Variants in IGSF21 observed in about 807,000 individuals in gnomAD.
IGSF21 encodes immunoglobulin superfamily member 21.
In IGSF21, 28 loss-of-function variants were observed where a neutral mutation model predicts 46.8. The ratio of observed to expected loss-of-function variants is 0.60; its 90% CI spans 0.44 to 0.82. IGSF21 has a LOEUF of 0.82. Ranked by LOEUF, IGSF21 falls within the 40% of genes least tolerant of loss-of-function variation. The probability of loss-of-function intolerance (pLI) is 0.00; values close to 1 mark genes in which losing one functional copy is unlikely to be tolerated. For synonymous variants in IGSF21, 284 were observed against 273.6 expected (o/e 1.04, Z -0.38); for missense variants, 624 against 665.5 (o/e 0.94, Z 0.69).
intron 4 of IGSF21, among the ~76,000 whole-genome samples, chr1:18,355,612 TAAAA>T (rs5772806): frequency 6.8e-6 from 1 of 147,764 alleles, no homozygotes; most frequent in Non-Finnish European, 1.5e-5. Context: ...TAAGGCACAG[TAAAA>T]AAAAAAACTA....
chr1:18,175,707 G>C (rs2086788738), intron 1 of IGSF21, among the ~76,000 whole-genome samples: 1 of 152,204 alleles, frequency 6.6e-6, no homozygotes, highest in Non-Finnish European at 1.5e-5. Context: ...CTCACCAGGA[G>C]GTCACCTCCC....
In IGSF21 at chr1:18,290,332, C is replaced by T. The variant is rs145379414; in HGVS notation, c.184-1534C>T. ...GCCCTCAGAGGGGAAGAAAGTGACG[C>T]GTGTACATGTCGCTAAGTCCCGACA... On this transcript the variant is annotated intron_variant, in intron 2 of 9. Coordinates refer to ENST00000251296, the MANE Select transcript of IGSF21 (RefSeq NM_032880.5). This position sits in a 1 kb window ranked among gnomAD's most constrained non-coding sequence, Gnocchi z 4.2. Among the ~76,000 whole-genome samples the T allele has an allele frequency of 0.012, 1,901 of 152,180 alleles. 26 individuals are homozygous for T. Among genetic ancestry groups the T allele is most frequent in the East Asian group, 0.018 (91 of 5,174 alleles).
chr1:18,168,446 C>G (rs1008046873), intron 1 of IGSF21, among the ~76,000 whole-genome samples: 1 of 152,130 alleles, frequency 6.6e-6, no homozygotes, highest in African/African-American at 2.4e-5. Context: ...CTCAGCAGCA[C>G]AGAACCAACA....
rs577896233 is a variant in IGSF21, at chr1:18,361,194, T to C, written c.425-921T>C. 3.9e-5 allele frequency among the ~76,000 whole-genome samples: 6 copies of C among 152,280 alleles called. No homozygotes were observed. The East Asian group carries it at 1.2e-3, about 29-fold the overall frequency. On this transcript the variant is annotated intron_variant, in intron 4 of 9. Coordinates refer to ENST00000251296, the MANE Select transcript of IGSF21 (RefSeq NM_032880.5). ...AATTCCCACTCTGTTTTCAGTCTCT[T>C]CCAAATGCAAGTCAGATGATGTCAC...
intron 3 of IGSF21, among the ~76,000 whole-genome samples, chr1:18,301,161 G>A (rs2085357611): frequency 6.6e-6 from 1 of 152,206 alleles, no homozygotes; most frequent in Non-Finnish European, 1.5e-5. Flanking sequence ...GGAAGAACGA[G>A]AGGAATGGTC....
intron 1 of IGSF21, among the ~76,000 whole-genome samples, chr1:18,144,042 C>A (rs544626318): frequency 6.6e-6 from 1 of 152,244 alleles, no homozygotes; most frequent in East Asian, 1.9e-4. Flanking sequence ...AGAGTGGGAG[C>A]CCCCTGAGGT....
intron 1 of IGSF21, among the ~76,000 whole-genome samples, chr1:18,209,438 C>T (rs1033587389): frequency 6.6e-6 from 1 of 151,668 alleles, no homozygotes; most frequent in African/African-American, 2.4e-5. Flanking sequence ...ACAGAGGGCC[C>T]GCCTTCTTTT....
chr1:18,368,606 C>T (rs2124635344), intron 6 of IGSF21, among the ~76,000 whole-genome samples: 1 of 152,246 alleles, frequency 6.6e-6, no homozygotes, highest in South Asian at 2.1e-4. Flanking sequence ...AACCCAGAGC[C>T]TGCTCCGACC....
Position 18,322,605 on chromosome 1 carries a change from C to G in IGSF21, c.306-12287C>G, listed in dbSNP as rs903967433. ...ACCTGGCTCCTGGTTCCCCACCACACGGAGTCTTTTTCTGAAGAGCACGTG... is the reference window on the plus strand; with the variant it reads ...ACCTGGCTCCTGGTTCCCCACCACAGGGAGTCTTTTTCTGAAGAGCACGTG... On this transcript the variant is annotated intron_variant, in intron 3 of 9. Coordinates refer to ENST00000251296, the MANE Select transcript of IGSF21 (RefSeq NM_032880.5). This position sits in a 1 kb window ranked among gnomAD's most constrained non-coding sequence, Gnocchi z 4.3. Among the ~76,000 whole-genome samples the G allele has an allele frequency of 6.6e-6, 1 of 152,192 alleles. No homozygotes were observed. Among genetic ancestry groups the G allele is most frequent in the African/African-American group, 2.4e-5 (1 of 41,452 alleles).
chr1:18,290,362 T>C lies in IGSF21; in HGVS notation c.184-1504T>C, dbSNP rs757938568. Among the ~76,000 whole-genome samples the C allele has an allele frequency of 6.6e-6, 1 of 152,060 alleles. No individual in the cohort carries two copies. Among genetic ancestry groups the C allele is most frequent in the African/African-American group, 2.4e-5 (1 of 41,380 alleles). On this transcript the variant is annotated intron_variant, in intron 2 of 9. Coordinates refer to ENST00000251296, the MANE Select transcript of IGSF21 (RefSeq NM_032880.5). This position sits in a 1 kb window ranked among gnomAD's most constrained non-coding sequence, Gnocchi z 4.2. ...ACATGTCGCTAAGTCCCGACAGAGA[T>C]AGGAGGGGTGTGGGCTTACGGAGGG...
intron 1 of IGSF21, among the ~76,000 whole-genome samples, chr1:18,108,925 G>A (rs2086116505): frequency 6.6e-6 from 1 of 151,006 alleles, no homozygotes; most frequent in Non-Finnish European, 1.5e-5. Flanking sequence ...CATGGAGCGT[G>A]TGGTTATCGT....
chr1:18,161,141 C>T (rs1005172668), intron 1 of IGSF21, among the ~76,000 whole-genome samples: 1 of 152,122 alleles, frequency 6.6e-6, no homozygotes, highest in Admixed American at 6.5e-5. Flanking sequence ...GGAAAGAAAA[C>T]CCCGTGACTC....
chr1:18,175,062 T>G (rs1570301663), intron 1 of IGSF21, among the ~76,000 whole-genome samples: 2 of 152,032 alleles, frequency 1.3e-5, no homozygotes, highest in Admixed American at 1.3e-4. Context: ...CCAAGCCAGG[T>G]TTCAGACTCC....
chr1:18,171,070 T>A (rs1281456806), intron 1 of IGSF21, among the ~76,000 whole-genome samples: 1 of 151,502 alleles, frequency 6.6e-6, no homozygotes. Flanking sequence ...AGACTAGGTG[T>A]GTGGAATGAG....
chr1:18,186,333 C>T (rs76304386), intron 1 of IGSF21, among the ~76,000 whole-genome samples: 2,630 of 152,232 alleles, frequency 0.017, 58 homozygotes, highest in African/African-American at 0.058. Flanking sequence ...CTCTCTGTCT[C>T]CTGCTCTTCC....
Position 18,285,379 on chromosome 1 carries a change from C to G in IGSF21, c.184-6487C>G, listed in dbSNP as rs143955637. Among the ~76,000 whole-genome samples the G allele has an allele frequency of 6.1e-3, 928 of 152,140 alleles. 14 individuals are homozygous for G. The highest frequency in any genetic ancestry group is 0.021 in the African/African-American group (882 of 41,518). On this transcript the variant is annotated intron_variant, in intron 2 of 9. Coordinates refer to ENST00000251296, the MANE Select transcript of IGSF21 (RefSeq NM_032880.5). The stretch of plus-strand genomic sequence containing the variant: ...GAAAAGCAACCTGGCCTGGCTGCAG[C>G]CTAGATTTGCTGGTTGGGGTCAGGG...
chr1:18,226,839 A>T (rs989424806), intron 1 of IGSF21, among the ~76,000 whole-genome samples: 1 of 152,224 alleles, frequency 6.6e-6, no homozygotes, highest in Non-Finnish European at 1.5e-5. Context: ...ACTGGACATC[A>T]GCCGGCAGGA....
At chr1:18,213,555 T>C (rs745948085) in intron 1 of IGSF21, among the ~76,000 whole-genome samples, 2 of 152,082 alleles carry the variant, frequency 1.3e-5, no homozygotes, top group Non-Finnish European at 2.9e-5. Context: ...AAAGTCATAT[T>C]CCCCTGGCCA....
chr1:18,299,250 G>C (rs1034987007), intron 3 of IGSF21, among the ~76,000 whole-genome samples: 1 of 152,174 alleles, frequency 6.6e-6, no homozygotes, highest in Non-Finnish European at 1.5e-5. Flanking sequence ...GCTTCTAAGC[G>C]GAAGCTCTCT....
Sources: allele counts gnomAD v4.1 joint callset (sites outside exome capture counted in the v4.1 genomes callset), GRCh38; gene constraint gnomAD v4.1.1; non-coding constraint Gnocchi (gnomAD v3.1); transcripts MANE v1.5; gene names NCBI Gene and HGNC (gene_info 2026-07-23, HGNC 2026-07-21).